Variants in PDCD7 observed in about 807,000 individuals in gnomAD.
The protein encoded by PDCD7 is programmed cell death 7, also known as programmed cell death protein 7.
PDCD7 carries 40 observed loss-of-function variants against 42.1 expected under a neutral mutation model. The ratio of observed to expected loss-of-function variants is 0.95; its 90% CI spans 0.74 to 1.24. The LOEUF (loss-of-function observed/expected upper bound fraction) is 1.24, where lower values mean the gene tolerates loss of function less well. Among genes scored for constraint, PDCD7 ranks in the 50% most tolerant of loss-of-function variants. The pLI is 0.00. For synonymous variants in PDCD7, 299 were observed against 303.3 expected, an observed-to-expected ratio of 0.99 and a Z score of 0.15; for missense variants, 644 against 662.8, an observed-to-expected ratio of 0.97 and a Z score of 0.31.
At chr15:65,121,148 C>G (rs1347643597) in intron 2 of PDCD7, among the ~76,000 whole-genome samples, 1 of 150,950 alleles carries the variant, frequency 6.6e-6, no homozygotes, top group Non-Finnish European at 1.5e-5. Context: ...CTCCACGCAT[C>G]CCGGGTTCAA....
At chr15:65,123,437 C>T (rs1346748170) in intron 2 of PDCD7, among the ~76,000 whole-genome samples, 2 of 152,226 alleles carry the variant, frequency 1.3e-5, no homozygotes, top group South Asian at 2.1e-4. Context: ...CCTCCCACCT[C>T]GGCCTCCCAA....
chr15:65,130,151 C>G (rs560062041), intron 1 of PDCD7, among the ~76,000 whole-genome samples: 1,881 of 148,074 alleles, frequency 0.013, 24 homozygotes, highest in Non-Finnish European at 0.021. Context: ...CGCCCCCAAC[C>G]CTCTTTTTTT....
chr15:65,126,405 C>T (rs1445054238), intron 2 of PDCD7, among the ~76,000 whole-genome samples: 1 of 152,090 alleles, frequency 6.6e-6, no homozygotes, highest in Non-Finnish European at 1.5e-5. Flanking sequence ...GACAGGTCCC[C>T]AACTGAACTT....
intron 4 of PDCD7, chr15:65,119,041 C>T: frequency 2.2e-6 from 1 of 461,382 alleles, no homozygotes; most frequent in Non-Finnish European, 3.8e-6. Context: ...GAACTTAAAC[C>T]TTATGGATAA....
chr15:65,119,248 GTTTT>G, intron 4 of PDCD7, 124 bp downstream of exon 4: 3 of 610,838 alleles, frequency 4.9e-6, no homozygotes, highest in Non-Finnish European at 8.8e-6. Context: ...TAAACCCATA[GTTTT>G]TTTTAAGTTC....
At chr15:65,122,490 A>G (rs189396085) in intron 2 of PDCD7, among the ~76,000 whole-genome samples, 62 of 152,288 alleles carry the variant, frequency 4.1e-4, no homozygotes, top group African/African-American at 1.4e-3. Flanking sequence ...TCAACGTTAC[A>G]TGTATGTAAT....
Position 65,129,157 on chromosome 15 carries a change from T to C in PDCD7, c.884A>G (p.Lys295Arg), listed in dbSNP as rs1266711747. Reference sequence around the variant, plus strand: ...AGATAGTACGCCATCAGCGGCTGCTTTGAGTTCCTGCTCCTGGAAGAGAAA... The same window carrying C: ...AGATAGTACGCCATCAGCGGCTGCTCTGAGTTCCTGCTCCTGGAAGAGAAA... Reference protein sequence around the residue: ...VEEKKREQELKAAADGVLSEV... With the variant: ...VEEKKREQELRAAADGVLSEV... The change falls in exon 2 of 5, where the codon AAA becomes AGA. Residue 295 changes from lysine (K) to arginine (R), a missense_variant. By Grantham distance (26) the Lys-to-Arg change is conservative (BLOSUM62 2). Transcript: ENST00000204549. 2 of 1,613,906 alleles carry C rather than the reference T, an allele frequency of 1.2e-6. No individual in the cohort carries two copies. Among genetic ancestry groups the C allele is most frequent in the South Asian group, 1.1e-5 (1 of 91,082 alleles).
intron 2 of PDCD7, among the ~76,000 whole-genome samples, chr15:65,125,003 C>T (rs1459833900): frequency 6.6e-6 from 1 of 152,180 alleles, no homozygotes; most frequent in African/African-American, 2.4e-5. Flanking sequence ...GCAATTAAAT[C>T]AAACCTTCAC....
intron 1 of PDCD7, among the ~76,000 whole-genome samples, chr15:65,132,578 G>C (rs1198158169): frequency 2.6e-5 from 4 of 152,072 alleles, no homozygotes; most frequent in African/African-American, 7.2e-5. Context: ...AACCACCTAG[G>C]GCAGTACAAG....
At chr15:65,122,060 C>T (rs978476052) in intron 2 of PDCD7, among the ~76,000 whole-genome samples, 4 of 152,208 alleles carry the variant, frequency 2.6e-5, no homozygotes, top group Admixed American at 1.3e-4. Flanking sequence ...CAGGGCCAAG[C>T]GTGGTGGCTC....
intron 2 of PDCD7, among the ~76,000 whole-genome samples, chr15:65,127,459 G>A (rs1376083396): frequency 1.6e-5 from 2 of 124,944 alleles, no homozygotes; most frequent in Non-Finnish European, 1.6e-5. Flanking sequence ...GCGAGACTCC[G>A]TCTCAAAAAA....
intron 2 of PDCD7, among the ~76,000 whole-genome samples, chr15:65,126,337 C>T (rs2087495728): frequency 6.6e-6 from 1 of 152,182 alleles, no homozygotes; most frequent in South Asian, 2.1e-4. Context: ...GTCATTCTGA[C>T]TCATGGCTAC....
chr15:65,120,246 T>G (rs1160919715), intron 2 of PDCD7, among the ~76,000 whole-genome samples: 1 of 151,980 alleles, frequency 6.6e-6, no homozygotes, highest in African/African-American at 2.4e-5. Flanking sequence ...CTCGACCTCC[T>G]GGGCCCGAGA....
At chr15:65,122,626 T>C (rs1383081016) in intron 2 of PDCD7, among the ~76,000 whole-genome samples, 1 of 152,220 alleles carries the variant, frequency 6.6e-6, no homozygotes, top group Non-Finnish European at 1.5e-5. Flanking sequence ...CCTGGACACC[T>C]AAGCTATTCC....
intron 2 of PDCD7, among the ~76,000 whole-genome samples, chr15:65,122,082 C>T (rs942936540): frequency 2.0e-5 from 3 of 152,134 alleles, no homozygotes; most frequent in African/African-American, 2.4e-5. Context: ...CACCTGTAAA[C>T]CTAGCACTTT....
intron 4 of PDCD7, 120 bp downstream of exon 4, chr15:65,119,256 T>A (rs2087431842): frequency 3.1e-6 from 2 of 641,466 alleles, no homozygotes; most frequent in Non-Finnish European, 5.5e-6. Context: ...TAGTTTTTTT[T>A]AAGTTCCTTA....
At chr15:65,119,587 G>T in intron 3 of PDCD7, 124 bp from the exon 4 acceptor site, 1 of 1,228,392 alleles carries the variant, frequency 8.1e-7, no homozygotes, top group Non-Finnish European at 1.2e-6. Context: ...GTATCCATGA[G>T]TTCTATGACA....
At chr15:65,120,047 C>G in intron 2 of PDCD7, 93 bp from the exon 3 acceptor site, 9 of 1,331,684 alleles carry the variant, frequency 6.8e-6, no homozygotes, top group Non-Finnish European at 9.2e-6. Context: ...GTGGTGTGAT[C>G]ATAGCTCACT....
In PDCD7 at chr15:65,132,907, C is replaced by T; in HGVS notation, c.870+5G>A. ...CCTACCCCCATGAGCGGCCGCTGCT[C>T]TCACCCGCTTCTTCTCCTCCACCTC... On this transcript the variant is annotated splice_donor_5th_base_variant and intron_variant, in intron 1 of 4. Transcript: ENST00000204549. 1 of 1,602,564 alleles carries T rather than the reference C, an allele frequency of 6.2e-7. No homozygotes were observed. Among genetic ancestry groups the T allele is most frequent in the Non-Finnish European group, 8.5e-7 (1 of 1,179,638 alleles).
Sources: gnomAD v4.1 joint callset for allele counts (sites outside exome capture counted in the v4.1 genomes callset) on GRCh38, gnomAD v4.1.1 for gene constraint, MANE v1.5 for transcripts, NCBI Gene and HGNC (gene_info 2026-07-23, HGNC 2026-07-21) for gene names.